Variants in KCNA6 observed in about 807,000 individuals in gnomAD.
KCNA6 encodes human brain potassium channel-2.
KCNA6 carries 17 observed loss-of-function variants against 29.5 expected under a neutral mutation model. That is an observed-to-expected ratio of 0.58 (90% CI 0.39 to 0.86). The LOEUF (loss-of-function observed/expected upper bound fraction) is 0.86. KCNA6 is among the 40% of genes least tolerant of loss of function. The pLI is 0.00. For synonymous variants in KCNA6, 296 were observed against 304.7 expected, an observed-to-expected ratio of 0.97 and a Z score of 0.30; for missense variants, 450 against 703.4, an observed-to-expected ratio of 0.64 and a Z score of 4.07.
the KCNA6 span, among the ~76,000 whole-genome samples, chr12:4,826,361 T>G: frequency 6.6e-6 from 1 of 152,250 alleles, no homozygotes; most frequent in East Asian, 1.9e-4. Flanking sequence ...CCTTCTTCCA[T>G]GGTGTCCCTT....
the KCNA6 span, among the ~76,000 whole-genome samples, chr12:4,828,786 C>A: frequency 6.6e-6 from 1 of 152,178 alleles, no homozygotes; most frequent in African/African-American, 2.4e-5. Context: ...GAGTCGTGCT[C>A]TTATCTGCTA....
the KCNA6 span, among the ~76,000 whole-genome samples, chr12:4,821,596 C>G: frequency 6.6e-6 from 1 of 152,224 alleles, no homozygotes; most frequent in Admixed American, 6.5e-5. Context: ...TCAACTGTCA[C>G]TTGTGGCTTG....
At chr12:4,826,163 C>G in the KCNA6 span, among the ~76,000 whole-genome samples, 1 of 152,196 alleles carries the variant, frequency 6.6e-6, no homozygotes, top group African/African-American at 2.4e-5. Flanking sequence ...ACAGTTGGAC[C>G]TGGTTCCTCT....
At chr12:4,830,570 C>T in the KCNA6 span, among the ~76,000 whole-genome samples, 2 of 152,240 alleles carry the variant, frequency 1.3e-5, no homozygotes, top group African/African-American at 2.4e-5. Flanking sequence ...TCTGCCCCTT[C>T]CGCCATCCTC....
the KCNA6 span, among the ~76,000 whole-genome samples, chr12:4,846,780 TTTTTTTTTTTTA>T: frequency 7.7e-3 from 566 of 73,174 alleles, 7 homozygotes; most frequent in African/African-American, 0.032. Context: ...TTTTTTTTTT[TTTTTTTTTTTTA>T]ATTTGAGACG....
chr12:4,823,263 G>A, the KCNA6 span, among the ~76,000 whole-genome samples: 1 of 152,042 alleles, frequency 6.6e-6, no homozygotes, highest in South Asian at 2.1e-4. Context: ...TTAAAAGAGA[G>A]CATGTAGTCA....
At chr12:4,821,557 A>T in the KCNA6 span, among the ~76,000 whole-genome samples, 20 of 152,104 alleles carry the variant, frequency 1.3e-4, no homozygotes, top group Non-Finnish European at 1.5e-5. Flanking sequence ...CCTTCCCTAA[A>T]ACTGGGCAGA....
At chr12:4,844,781 G>A in the KCNA6 span, among the ~76,000 whole-genome samples, 1 of 152,110 alleles carries the variant, frequency 6.6e-6, no homozygotes, top group Non-Finnish European at 1.5e-5. The surrounding 1 kb of genome is among the most constrained non-coding windows in gnomAD (Gnocchi z 4.0). Context: ...GGTTAAATCA[G>A]TGTTCAGTGT....
chr12:4,846,985 C>T, the KCNA6 span, among the ~76,000 whole-genome samples: 1 of 151,364 alleles, frequency 6.6e-6, no homozygotes, highest in South Asian at 2.1e-4. Flanking sequence ...GGGGTTTCAT[C>T]GTGTTAGCCA....
chr12:4,811,659 G>T lies in KCNA6; in HGVS notation c.*28G>T. On this transcript the variant is annotated 3_prime_UTR_variant, in exon 1 of 1. Transcript: ENST00000280684. The surrounding 1 kb of genome is among the most constrained non-coding windows in gnomAD (Gnocchi z 7.1). ...CATGCAGGCAGGGCCTGCAGGAGGG[G>T]AGCACTGAGCTAACAGTCTCTTAGG... The T allele has an allele frequency of 6.3e-7, 1 of 1,593,130 alleles. No homozygotes were observed. Among genetic ancestry groups the T allele is most frequent in the Non-Finnish European group, 8.6e-7 (1 of 1,168,950 alleles).
At chr12:4,819,728 C>T in the KCNA6 span, among the ~76,000 whole-genome samples, 1 of 152,258 alleles carries the variant, frequency 6.6e-6, no homozygotes, top group Non-Finnish European at 1.5e-5. Context: ...GGTGACGTGG[C>T]TGCCCTCATG....
At chr12:4,821,052 T>C in the KCNA6 span, among the ~76,000 whole-genome samples, 1 of 152,156 alleles carries the variant, frequency 6.6e-6, no homozygotes, top group Non-Finnish European at 1.5e-5. Context: ...TTCTGATGCC[T>C]TGGGAGGCAG....
chr12:4,829,702 TA>T, the KCNA6 span, among the ~76,000 whole-genome samples: 313 of 145,278 alleles, frequency 2.2e-3, no homozygotes, highest in African/African-American at 3.3e-3. Flanking sequence ...GTTCAGGATT[TA>T]AAAAAAAAAA....
chr12:4,827,218 T>TTCC, the KCNA6 span, among the ~76,000 whole-genome samples: 90 of 138,950 alleles, frequency 6.5e-4, no homozygotes, highest in African/African-American at 1.6e-3. Flanking sequence ...CCTTCCTTCC[T>TTCC]TCCTTCCTTC....
At chr12:4,817,602 G>C (rs1166509047), downstream of KCNA6, among the ~76,000 whole-genome samples, 1 of 152,122 alleles carries the variant, frequency 6.6e-6, no homozygotes, top group East Asian at 1.9e-4. Flanking sequence ...GTGTTTGAAG[G>C]TGCACATTAA....
chr12:4,831,946 G>T, the KCNA6 span, among the ~76,000 whole-genome samples: 1 of 152,170 alleles, frequency 6.6e-6, no homozygotes, highest in African/African-American at 2.4e-5. Flanking sequence ...TGGTCTCACA[G>T]AAACATGGTG....
the KCNA6 span, among the ~76,000 whole-genome samples, chr12:4,819,590 A>G: frequency 1.3e-5 from 2 of 151,988 alleles, no homozygotes; most frequent in South Asian, 2.1e-4. Context: ...CCTGGCCTTC[A>G]CTCCACCTAA....
chr12:4,819,759 T>C, the KCNA6 span, among the ~76,000 whole-genome samples: 2 of 152,244 alleles, frequency 1.3e-5, no homozygotes, highest in African/African-American at 4.8e-5. Flanking sequence ...CTGAGCTTGC[T>C]GGCTTGCCTG....
chr12:4,818,933 CAA>C, the KCNA6 span, among the ~76,000 whole-genome samples: 1 of 151,846 alleles, frequency 6.6e-6, no homozygotes, highest in Non-Finnish European at 1.5e-5. Context: ...CATACATACA[CAA>C]AAACACACAC....
Sources: gnomAD v4.1 joint callset for allele counts (sites outside exome capture counted in the v4.1 genomes callset) on GRCh38, gnomAD v4.1.1 for gene constraint, Gnocchi (gnomAD v3.1) non-coding constraint, MANE v1.5 for transcripts, NCBI Gene and HGNC (gene_info 2026-07-23, HGNC 2026-07-21) for gene names.